Variants in TMC2 observed in about 807,000 individuals in gnomAD.
TMC2 encodes the protein transmembrane channel-like protein 2.
TMC2 carries 102 observed loss-of-function variants against 105.9 expected under a neutral mutation model. The ratio of observed to expected loss-of-function variants is 0.96; its 90% CI spans 0.82 to 1.14. TMC2 has a LOEUF of 1.14. TMC2 is among the 50% of genes most tolerant of loss of function. The pLI is 0.00. For synonymous variants in TMC2, 402 were observed against 422.8 expected (o/e 0.95, Z 0.60); for missense variants, 1,093 against 1,134.3 (o/e 0.96, Z 0.52).
At chr20:2,628,960 G>A (rs1268203911) in intron 17 of TMC2, among the ~76,000 whole-genome samples, 5 of 151,586 alleles carry the variant, frequency 3.3e-5, no homozygotes, top group Non-Finnish European at 5.9e-5. Flanking sequence ...AAATTAGCCG[G>A]GCGTGGTGGC....
rs1276153647 is a variant in TMC2, at chr20:2,613,259, C to T, written c.1809C>T (p.Phe603=). 3 of 1,614,120 alleles carry T rather than the reference C, an allele frequency of 1.9e-6. No homozygotes were observed. Among genetic ancestry groups the T allele is most frequent in the Non-Finnish European group, 2.5e-6 (3 of 1,180,010 alleles). ...ACATCACCATCCTGCTGGGGGACTTCCTACGGGCTTGTTTTGTGCGGTTCA... is the reference window on the plus strand; with the variant it reads ...ACATCACCATCCTGCTGGGGGACTTTCTACGGGCTTGTTTTGTGCGGTTCA... The part of the protein sequence containing the change: ...VTYITILLGD[F]LRACFVRFMN... The change falls in exon 14 of 20, where the codon TTC becomes TTT. Residue 603 remains phenylalanine (F), a synonymous_variant. Transcript: ENST00000358864.
intron 17 of TMC2, among the ~76,000 whole-genome samples, 182 bp downstream of exon 17, chr20:2,624,578 G>C (rs572191170): frequency 1.3e-5 from 2 of 152,330 alleles, no homozygotes; most frequent in East Asian, 3.9e-4. Context: ...ACAAGGAAGG[G>C]AAAGGAAAAT....
chr20:2,625,464 CA>C (rs1351698874), intron 17 of TMC2, among the ~76,000 whole-genome samples: 3 of 152,164 alleles, frequency 2.0e-5, no homozygotes, highest in African/African-American at 7.2e-5. Context: ...ACTTTTTAAT[CA>C]CATGTGTGTA....
At chr20:2,595,410 C>CCTCCAAA (rs1460947192) in intron 9 of TMC2, among the ~76,000 whole-genome samples, 2 of 152,194 alleles carry the variant, frequency 1.3e-5, no homozygotes, top group African/African-American at 4.8e-5. Flanking sequence ...CTCTTCTGCT[C>CCTCCAAA]CTCCAAACTC....
chr20:2,581,604 G>A (rs1186874935), intron 7 of TMC2, among the ~76,000 whole-genome samples: 2 of 152,172 alleles, frequency 1.3e-5, no homozygotes, highest in Non-Finnish European at 2.9e-5. Flanking sequence ...TAGTCAATGG[G>A]GAAATTTACC....
At chr20:2,537,460 C>T in intron 2 of TMC2, 144 bp downstream of exon 2, 1 of 751,010 alleles carries the variant, frequency 1.3e-6, no homozygotes, top group Non-Finnish European at 2.3e-6. Context: ...TCCTGGGAGG[C>T]AAGGTGTTTA....
chr20:2,556,964 A>G lies in TMC2; in HGVS notation c.83-1492A>G, dbSNP rs549270712. On this transcript the variant is annotated intron_variant, in intron 2 of 19. Coordinates refer to ENST00000358864, the MANE Select transcript of TMC2 (RefSeq NM_080751.3). ...AATCTAGTGTAATTCTTATCTTTAT[A>G]CCAACAGGTAAGGTGAGTTTTTTCC... Among the ~76,000 whole-genome samples the G allele has an allele frequency of 4.0e-5, 6 of 151,564 alleles. No individual in the cohort carries two copies. The East Asian group carries it at 9.7e-4, about 24-fold the overall frequency.
intron 13 of TMC2, among the ~76,000 whole-genome samples, chr20:2,612,691 A>G (rs2086450112): frequency 6.6e-6 from 1 of 152,070 alleles, no homozygotes; most frequent in African/African-American, 2.4e-5. Context: ...TATTTTCTCT[A>G]TATATCAAAA....
chr20:2,549,902 G>T (rs1454328495), intron 2 of TMC2, among the ~76,000 whole-genome samples: 1 of 151,996 alleles, frequency 6.6e-6, no homozygotes, highest in East Asian at 1.9e-4. Context: ...CAGAGTTTTG[G>T]CTGTGTGCAG....
At chr20:2,554,372 T>C (rs1301349015) in intron 2 of TMC2, among the ~76,000 whole-genome samples, 4 of 152,210 alleles carry the variant, frequency 2.6e-5, no homozygotes, top group Admixed American at 2.6e-4. Flanking sequence ...TCATCAATAT[T>C]ATCAATCTTT....
chr20:2,585,349 C>T (rs2086224505), intron 7 of TMC2, among the ~76,000 whole-genome samples: 1 of 152,156 alleles, frequency 6.6e-6, no homozygotes, highest in African/African-American at 2.4e-5. Flanking sequence ...TTTTATATTA[C>T]TAATTTCTAA....
chr20:2,565,043 T>TC (rs1418805092), intron 4 of TMC2, among the ~76,000 whole-genome samples: 1 of 152,018 alleles, frequency 6.6e-6, no homozygotes, highest in Non-Finnish European at 1.5e-5. Context: ...TGCAGGGAGG[T>TC]CCCCATTGCC....
Position 2,631,223 on chromosome 20 carries a change from C to G in TMC2, c.2307-4703C>G, listed in dbSNP as rs79478707. Among the ~76,000 whole-genome samples, 810 of 152,316 alleles carry G rather than the reference C, an allele frequency of 5.3e-3. 4 individuals carry two copies. Among genetic ancestry groups the G allele is most frequent in the Middle Eastern group, 0.038 (11 of 292 alleles). On this transcript the variant is annotated intron_variant, in intron 17 of 19. Coordinates refer to ENST00000358864, the MANE Select transcript of TMC2 (RefSeq NM_080751.3). Reference sequence around the variant, plus strand: ...TGTACAACTCCATTCCCTCCACTCTCCTTCAGGTTGTTTCTGCCACACAAA... The same window carrying G: ...TGTACAACTCCATTCCCTCCACTCTGCTTCAGGTTGTTTCTGCCACACAAA...
intron 3 of TMC2, among the ~76,000 whole-genome samples, chr20:2,559,470 G>A (rs951209973): frequency 6.6e-6 from 1 of 152,116 alleles, no homozygotes; most frequent in African/African-American, 2.4e-5. Context: ...CTCTCTCTTT[G>A]CCTCCCTTTT....
chr20:2,609,783 G>A lies in TMC2; in HGVS notation c.1414-636G>A, dbSNP rs369767929. Among the ~76,000 whole-genome samples, 8 of 152,274 alleles carry A rather than the reference G, an allele frequency of 5.3e-5. No individual in the cohort carries two copies. In the South Asian group the frequency reaches 1.0e-3, roughly 20 times the overall value. The stretch of plus-strand genomic sequence containing the variant: ...GAGAGTGGGATAGTCAAGACCAGCC[G>A]AGAAGAGTTGACCAACTTGCAATTT... On this transcript the variant is annotated intron_variant, in intron 11 of 19. Transcript: ENST00000358864.
intron 11 of TMC2, among the ~76,000 whole-genome samples, chr20:2,606,902 T>C (rs2146230653): frequency 6.7e-6 from 1 of 148,654 alleles, no homozygotes; most frequent in Non-Finnish European, 1.5e-5. Context: ...TTTTTTTTTT[T>C]TTTTTTTTGC....
intron 7 of TMC2, among the ~76,000 whole-genome samples, chr20:2,586,321 G>C (rs1472837077): frequency 6.6e-6 from 1 of 152,208 alleles, no homozygotes; most frequent in Non-Finnish European, 1.5e-5. Flanking sequence ...CTATAGACAT[G>C]CCTGTGTTCA....
In TMC2 at chr20:2,616,115, C is replaced by T. The variant is rs769174463; in HGVS notation, c.1873-22C>T. The T allele has an allele frequency of 5.0e-6, 8 of 1,597,686 alleles. No homozygotes were observed. The highest frequency in any genetic ancestry group is 3.3e-5 in the Admixed American group (2 of 59,808). On this transcript the variant is annotated intron_variant, in intron 14 of 19. Coordinates refer to ENST00000358864, the MANE Select transcript of TMC2 (RefSeq NM_080751.3). The surrounding 1 kb of genome is among the most constrained non-coding windows in gnomAD (Gnocchi z 4.8). ...TGCTTTTTTTTTTCTCTCTCTCTCT[C>T]GCTCCCTCCCTCCCTCTCTAGCCTT... is the stretch of plus-strand genomic sequence containing the variant.
chr20:2,553,218 G>A (rs2085967200), intron 2 of TMC2, among the ~76,000 whole-genome samples: 1 of 152,186 alleles, frequency 6.6e-6, no homozygotes, highest in Admixed American at 6.5e-5. Flanking sequence ...TAAGTATGAT[G>A]TTAGTTGTAG....
Sources: allele counts gnomAD v4.1 joint callset (sites outside exome capture counted in the v4.1 genomes callset), GRCh38; gene constraint gnomAD v4.1.1; non-coding constraint Gnocchi (gnomAD v3.1); transcripts MANE v1.5; gene names NCBI Gene and HGNC (gene_info 2026-07-23, HGNC 2026-07-21).